The following LCA5L variants were observed in gnomAD, a reference collection of about 807,000 sequenced individuals.
LCA5L encodes lebercilin-like protein.
LCA5L carries 35 observed loss-of-function variants against 45.4 expected under a neutral mutation model. The observed-to-expected ratio is 0.77, with a 90% CI of 0.59 to 1.02. The LOEUF (loss-of-function observed/expected upper bound fraction) is 1.02. Ranked by LOEUF, LCA5L falls within the 50% of genes least tolerant of loss-of-function variation. LCA5L has a pLI of 0.00. For missense variants in LCA5L, 668 were observed against 761.6 expected (o/e 0.88, Z 1.45); for synonymous variants, 233 against 264.7 (o/e 0.88, Z 1.16).
Position 39,405,852 on chromosome 21 carries a change from A to ATGGTTTGATAT in LCA5L, c.*29_*30insATATCAAACCA. On this transcript the variant is annotated 3_prime_UTR_variant, in exon 11 of 11. Transcript: ENST00000288350. Reference sequence around the variant, plus strand: ...AAGGCACATAAGCAGCATTATATCAAACCAGAATGCATTAGGATATTGATT... The same window carrying ATGGTTTGATAT: ...AAGGCACATAAGCAGCATTATATCAATGGTTTGATATACCAGAATGCATTAGGATATTGATT... 1 of 1,470,552 alleles carries ATGGTTTGATAT rather than the reference A, an allele frequency of 6.8e-7. No individual in the cohort carries two copies. Among genetic ancestry groups the ATGGTTTGATAT allele is most frequent in the African/African-American group, 1.4e-5 (1 of 70,302 alleles). 91.1% of individuals were successfully genotyped at this position (1,470,552 alleles called of 1,614,324 possible).
intron 3 of LCA5L, among the ~76,000 whole-genome samples, chr21:39,433,503 C>T (rs2075968952): frequency 6.7e-6 from 1 of 148,684 alleles, no homozygotes; most frequent in Non-Finnish European, 1.5e-5. Context: ...ATCCTCCTTT[C>T]TTTCTTCTAG....
Position 39,406,286 on chromosome 21 carries a change from G to A in LCA5L, c.1609C>T (p.Leu537Phe). The A allele has an allele frequency of 6.2e-7, 1 of 1,614,224 alleles. No homozygotes were observed. Among genetic ancestry groups the A allele is most frequent in the Non-Finnish European group, 8.5e-7 (1 of 1,180,040 alleles). The stretch of plus-strand genomic sequence containing the variant: ...TTGGCTGGCCCCCCTGAAGCAGGAA[G>A]CCCATGATGCAGGTTTTCAGTTGCT... Reference protein sequence around the residue: ...TEATENLHHGLPASGGPANAG... With the variant: ...TEATENLHHGFPASGGPANAG... Residue 537 changes from leucine to phenylalanine, a missense_variant, in exon 11 of 11, where the codon CTT becomes TTT. Coordinates refer to ENST00000288350, the MANE Select transcript of LCA5L (RefSeq NM_152505.4).
Position 39,420,702 on chromosome 21 carries a change from A to G in LCA5L, c.975+4T>C. On this transcript the variant is annotated splice_donor_region_variant and intron_variant, in intron 7 of 10. Coordinates refer to ENST00000288350, the MANE Select transcript of LCA5L (RefSeq NM_152505.4). ...ATTCTTACATTTTGTTTTAAAAGAA[A>G]TACCTTAAGTTTTTGTTGAAGGTGT... 1.2e-6 allele frequency: 2 copies of G among 1,607,232 alleles called. No homozygotes were observed. Among genetic ancestry groups the G allele is most frequent in the South Asian group, 1.1e-5 (1 of 90,668 alleles).
At chr21:39,430,735 C>T (rs1056521232) in intron 3 of LCA5L, among the ~76,000 whole-genome samples, 2 of 152,160 alleles carry the variant, frequency 1.3e-5, no homozygotes, top group Non-Finnish European at 1.5e-5. Context: ...ACTGACACCA[C>T]CAATAGCTAT....
Position 39,406,331 on chromosome 21 carries a change from T to G in LCA5L, c.1564A>C (p.Arg522=). ...GTTGCTTCTGTGAATGAGTAATGTC[T>G]TCTTTGTCTGAGGGGGCCTTTCGTG... The part of the protein sequence containing the change: ...PYTKGPLRQR[R]HYSFTEATEN... Residue 522 remains arginine (R), a synonymous_variant, in exon 11 of 11, where the codon AGA becomes CGA. Transcript: ENST00000288350. 6.2e-7 allele frequency: 1 copy of G among 1,614,184 alleles called. No homozygotes were observed. Among genetic ancestry groups the G allele is most frequent in the East Asian group, 2.2e-5 (1 of 44,876 alleles).
intron 6 of LCA5L, chr21:39,421,735 A>T (rs1367247634): frequency 6.6e-6 from 1 of 152,178 alleles, no homozygotes; most frequent in Non-Finnish European, 1.5e-5. Flanking sequence ...GAAAGCTACA[A>T]GGGGAAAGAA....
intron 10 of LCA5L, among the ~76,000 whole-genome samples, chr21:39,408,911 G>A (rs905139176): frequency 6.6e-6 from 1 of 152,156 alleles, no homozygotes; most frequent in African/African-American, 2.4e-5. Context: ...ATTGCCCTTT[G>A]CTCAGCTGGA....
intron 10 of LCA5L, 145 bp from the exon 11 acceptor site, chr21:39,406,757 A>G: frequency 1.6e-6 from 1 of 615,500 alleles, no homozygotes; most frequent in Non-Finnish European, 2.8e-6. Context: ...CATAGACAAA[A>G]GATTACAGAG....
chr21:39,411,436 C>G (rs1029422561), intron 8 of LCA5L, among the ~76,000 whole-genome samples: 1 of 152,136 alleles, frequency 6.6e-6, no homozygotes, highest in Non-Finnish European at 1.5e-5. Flanking sequence ...TTAGAAAGTT[C>G]ACTTTTTGGC....
chr21:39,428,716 G>A (rs1055537181), intron 4 of LCA5L, among the ~76,000 whole-genome samples: 10 of 144,636 alleles, frequency 6.9e-5, no homozygotes, highest in African/African-American at 2.3e-4. Context: ...GGGCTCAAGC[G>A]ATCCTCTCAG....
At chr21:39,410,143 A>G (rs1308291750) in intron 9 of LCA5L, 47 bp from the exon 10 acceptor site, 1 of 1,372,674 alleles carries the variant, frequency 7.3e-7, no homozygotes, top group South Asian at 1.2e-5. Context: ...GGGTCTAGAT[A>G]ACTTAAAATT....
At chr21:39,441,623 C>T (rs933316743) in intron 2 of LCA5L, among the ~76,000 whole-genome samples, 16 of 152,104 alleles carry the variant, frequency 1.1e-4, no homozygotes, top group African/African-American at 3.6e-4. Flanking sequence ...TATTTTAGAA[C>T]AAATGTTTGA....
At chr21:39,417,967 C>T (rs1291622166) in intron 7 of LCA5L, among the ~76,000 whole-genome samples, 5 of 152,216 alleles carry the variant, frequency 3.3e-5, no homozygotes, top group East Asian at 1.9e-4. Flanking sequence ...GGGGTTTCGC[C>T]GTGTTTGCCA....
intron 7 of LCA5L, among the ~76,000 whole-genome samples, chr21:39,418,508 T>A (rs546056175): frequency 6.7e-4 from 102 of 152,238 alleles, no homozygotes; most frequent in East Asian, 4.1e-3. Flanking sequence ...TTATTTTTTT[T>A]AAATTTTTTT....
At chr21:39,417,198 A>G (rs1056743806) in intron 7 of LCA5L, among the ~76,000 whole-genome samples, 4 of 151,866 alleles carry the variant, frequency 2.6e-5, no homozygotes, top group African/African-American at 9.7e-5. Context: ...ACACCTGGCT[A>G]ATTTTTTTAT....
At chr21:39,439,004 T>C (rs768607341) in intron 2 of LCA5L, 5 of 152,160 alleles carry the variant, frequency 3.3e-5, no homozygotes, top group Non-Finnish European at 5.9e-5. Flanking sequence ...TTACTATATA[T>C]AGCAAAAGGG....
chr21:39,431,168 AT>A (rs531039658), intron 3 of LCA5L, among the ~76,000 whole-genome samples: 2 of 152,320 alleles, frequency 1.3e-5, no homozygotes, highest in South Asian at 4.1e-4. Flanking sequence ...AAGGTGGTGG[AT>A]TGGAAGGTGT....
At chr21:39,416,759 C>G (rs1286529377) in intron 7 of LCA5L, among the ~76,000 whole-genome samples, 1 of 152,110 alleles carries the variant, frequency 6.6e-6, no homozygotes, top group East Asian at 1.9e-4. Flanking sequence ...ATTCTCAAAA[C>G]AACAACATCA....
At chr21:39,429,815 T>C (rs2075458766) in intron 3 of LCA5L, among the ~76,000 whole-genome samples, 2 of 152,194 alleles carry the variant, frequency 1.3e-5, no homozygotes, top group Non-Finnish European at 2.9e-5. Flanking sequence ...CTCAGAAGTT[T>C]AGGACCAGCC....
Sources: allele counts gnomAD v4.1 joint callset (sites outside exome capture counted in the v4.1 genomes callset), GRCh38; gene constraint gnomAD v4.1.1; transcripts MANE v1.5; gene names NCBI Gene and HGNC (gene_info 2026-07-23, HGNC 2026-07-21).